The following HSD11B1L variants were observed in gnomAD, a reference collection of about 807,000 sequenced individuals.
The protein encoded by HSD11B1L is hydroxysteroid 11-beta dehydrogenase 1 like.
Under a neutral mutation model 27.0 loss-of-function variants are expected in HSD11B1L, and 22 were observed. That is an observed-to-expected ratio of 0.81 (90% confidence interval 0.58 to 1.16). HSD11B1L has a LOEUF of 1.16. Ranked by LOEUF, HSD11B1L falls within the 50% of genes most tolerant of loss-of-function variation. The pLI, the probability that HSD11B1L is intolerant of heterozygous loss-of-function variation, is 0.00. For missense variants in HSD11B1L, 372 were observed against 401.8 expected, an observed-to-expected ratio of 0.93 and a Z score of 0.63; for synonymous variants, 187 against 189.2, an observed-to-expected ratio of 0.99 and a Z score of 0.09.
intron 3 of HSD11B1L, 130 bp from the exon 4 acceptor site, chr19:5,686,286 T>G: frequency 1.6e-6 from 1 of 640,558 alleles, no homozygotes; most frequent in Non-Finnish European, 2.6e-6. Flanking sequence ...GGGAATGATG[T>G]TGAATGGGTC....
At chr19:5,684,633 CAGGTGCGGTGGTTCATGG>C in intron 1 of HSD11B1L, 168 bp from the exon 2 acceptor site, 1 of 758,944 alleles carries the variant, frequency 1.3e-6, no homozygotes, top group African/African-American at 1.8e-5. Context: ...GGGGAGGGTG[CAGGTGCGGTGGTTCATGG>C]AGCCGCGGTG....
At position 5,685,409 on chromosome 19, in the gene HSD11B1L, C is replaced by T. The variant is rs1163066073; in HGVS notation, c.204+290C>T. Reference sequence around the variant, plus strand: ...TGGCCAACATGGCGAAACCTGGTCTCTACTAAGAAGACAAAAATTAGGCCA... The same window carrying T: ...TGGCCAACATGGCGAAACCTGGTCTTTACTAAGAAGACAAAAATTAGGCCA... On this transcript the variant is annotated intron_variant, in intron 3 of 7. Transcript: ENST00000339423. This position sits in a 1 kb window ranked among gnomAD's most constrained non-coding sequence, Gnocchi z 4.3. The T allele has an allele frequency of 2.0e-6, 1 of 510,694 alleles. No individual in the cohort carries two copies. The allele number at this position is 510,694 out of a possible 1,614,324, so 31.6% of individuals were successfully genotyped here.
chr19:5,685,058 A>G lies in HSD11B1L; in HGVS notation c.143A>G (p.His48Arg), dbSNP rs200835892. ...GGTGTTGGTGAGGAGCTGGCCTATC[A>G]CTACGCGCGTCTGGGCTCCCACCTG... ...NAGVGEELAY[H>R]YARLGSHLVL... is the part of the protein sequence containing the mutation. The change falls in exon 3 of 8, where the codon CAC becomes CGC. Residue 48 changes from histidine to arginine, a missense_variant. Physicochemically the swap from His to Arg is conservative, Grantham distance 29. Coordinates refer to ENST00000339423, the MANE Select transcript of HSD11B1L (RefSeq NM_198706.3). This position sits in a 1 kb window ranked among gnomAD's most constrained non-coding sequence, Gnocchi z 4.3. 4 of 1,558,206 alleles carry G rather than the reference A, an allele frequency of 2.6e-6. No individual in the cohort carries two copies. The highest frequency in any genetic ancestry group is 3.5e-6 in the Non-Finnish European group (4 of 1,150,912).
Position 5,687,063 on chromosome 19 carries a change from C to G in HSD11B1L, c.408+72C>G, listed in dbSNP as rs963122358. ...CCGGTGGTCCGTTCCCTTCGCGGTC[C>G]GGGTTCTGCCTTCTCCAGGGAGGGC... On this transcript the variant is annotated intron_variant, in intron 5 of 7. Coordinates refer to ENST00000339423, the MANE Select transcript of HSD11B1L (RefSeq NM_198706.3). This position sits in a 1 kb window ranked among gnomAD's most constrained non-coding sequence, Gnocchi z 6.6. The G allele has an allele frequency of 2.1e-5, 28 of 1,357,380 alleles. No homozygotes were observed. The highest frequency in any genetic ancestry group is 2.7e-5 in the Non-Finnish European group (27 of 989,472). The allele number at this position is 1,357,380 out of a possible 1,614,324, so 84.1% of individuals were successfully genotyped here.
chr19:5,687,681 C>G lies in HSD11B1L; in HGVS notation c.668+13C>G, dbSNP rs1211094110. 4.5e-6 allele frequency: 7 copies of G among 1,565,816 alleles called. No individual in the cohort carries two copies. The South Asian group carries it at 7.0e-5, about 16-fold the overall frequency. On this transcript the variant is annotated intron_variant, in intron 7 of 7. Coordinates refer to ENST00000339423, the MANE Select transcript of HSD11B1L (RefSeq NM_198706.3). This position sits in a 1 kb window ranked among gnomAD's most constrained non-coding sequence, Gnocchi z 6.6. The stretch of plus-strand genomic sequence containing the variant: ...CCGAGGCAGTCAGGTGAGGCCCGGA[C>G]AAGCTGGGGGCTGGGCTGGGGGCCA...
Position 5,687,343 on chromosome 19 carries a change from A to G in HSD11B1L, c.470A>G (p.Lys157Arg), listed in dbSNP as rs745328325. ...SRALPSLTDS[K>R]GSLVVVSSLL... ...GCGCTGCCCAGCCTGACGGACAGCA[A>G]GGGCTCCCTGGTGGTGGTGTCCTCG... Residue 157 changes from lysine (K) to arginine (R), a missense_variant, in exon 6 of 8, where the codon AAG becomes AGG. By Grantham distance (26) the Lys-to-Arg change is conservative (BLOSUM62 2). Transcript: ENST00000339423. This position sits in a 1 kb window ranked among gnomAD's most constrained non-coding sequence, Gnocchi z 6.6. 6.2e-7 allele frequency: 1 copy of G among 1,612,772 alleles called. No individual in the cohort carries two copies. The highest frequency in any genetic ancestry group is 1.1e-5 in the South Asian group (1 of 91,064).
At chr19:5,686,288 G>A in intron 3 of HSD11B1L, 128 bp from the exon 4 acceptor site, 1 of 654,008 alleles carries the variant, frequency 1.5e-6, no homozygotes. Flanking sequence ...GAATGATGTT[G>A]AATGGGTCCC....
Position 5,688,322 on chromosome 19 carries a change from C to A in HSD11B1L, c.*377C>A. The A allele has an allele frequency of 1.2e-6, 1 of 835,282 alleles. No individual in the cohort carries two copies. The highest frequency in any genetic ancestry group is 1.8e-5 in the South Asian group (1 of 55,320). The allele number at this position is 835,282 out of a possible 1,614,324, so 51.7% of individuals were successfully genotyped here. The stretch of plus-strand genomic sequence containing the variant: ...CTTTAAGTCCCTGATTTATTCTTTC[C>A]ATTCATTCCATCTGGGAGGAACCCC... On this transcript the variant is annotated 3_prime_UTR_variant, in exon 8 of 8. Coordinates refer to ENST00000339423, the MANE Select transcript of HSD11B1L (RefSeq NM_198706.3).
Position 5,687,219 on chromosome 19 carries a change from T to C in HSD11B1L, c.409-63T>C. 1 of 1,543,918 alleles carries C rather than the reference T, an allele frequency of 6.5e-7. No individual in the cohort carries two copies. ...CCCGGCCCTGGCCCCGCCCTCTGGG[T>C]TTCTGGCCCCGCCCTGCCCCTGGGC... On this transcript the variant is annotated intron_variant, in intron 5 of 7. Transcript: ENST00000339423. This position sits in a 1 kb window ranked among gnomAD's most constrained non-coding sequence, Gnocchi z 6.6.
At position 5,685,302 on chromosome 19, in the gene HSD11B1L, G is replaced by A; in HGVS notation, c.204+183G>A. On this transcript the variant is annotated intron_variant, in intron 3 of 7. Coordinates refer to ENST00000339423, the MANE Select transcript of HSD11B1L (RefSeq NM_198706.3). The surrounding 1 kb of genome is among the most constrained non-coding windows in gnomAD (Gnocchi z 4.3). ...GACAATAAAACCACTTTCTGGCCAG[G>A]CACGGTGGCTCACGCTTGTAGTCAG... The A allele has an allele frequency of 1.2e-6, 1 of 827,208 alleles. No individual in the cohort carries two copies. The highest frequency in any genetic ancestry group is 2.0e-6 in the Non-Finnish European group (1 of 501,152). The allele number at this position is 827,208 out of a possible 1,614,324, so 51.2% of individuals were successfully genotyped here.
In HSD11B1L at chr19:5,688,027, AC is replaced by A. The variant is rs1345314232; in HGVS notation, c.*86del. 6.4e-7 allele frequency: 1 copy of A among 1,551,432 alleles called. No homozygotes were observed. The highest frequency in any genetic ancestry group is 1.4e-5 in the African/African-American group (1 of 73,162). ...CTGGAGCCAGAACACTCACAGAGAC[AC>A]CCCTGAGAGGGTGGCCACAGCCCAA... On this transcript the variant is annotated 3_prime_UTR_variant, in exon 8 of 8. Coordinates refer to ENST00000339423, the MANE Select transcript of HSD11B1L (RefSeq NM_198706.3).
chr19:5,686,744 G>T (rs1436883004), intron 4 of HSD11B1L, among the ~76,000 whole-genome samples, 156 bp from the exon 5 acceptor site: 5 of 152,240 alleles, frequency 3.3e-5, no homozygotes, highest in Admixed American at 2.6e-4. Flanking sequence ...CTAGATCCAG[G>T]GTGTAAGGCC....
chr19:5,684,788 CCG>C lies in HSD11B1L; in HGVS notation c.-14-30_-14-29del, dbSNP rs1336450573. On this transcript the variant is annotated intron_variant, in intron 1 of 7. Transcript: ENST00000339423. Reference sequence around the variant, plus strand: ...CGGGTGGCTGTGGGCCAGGCCTGTGCCGGCCACCTCTGTCCCCTGTCCCTCTG... The same window carrying C: ...CGGGTGGCTGTGGGCCAGGCCTGTGCGCCACCTCTGTCCCCTGTCCCTCTG... 3.1e-6 allele frequency: 5 copies of C among 1,612,916 alleles called. No homozygotes were observed. In the South Asian group the frequency reaches 5.5e-5, roughly 18 times the overall value.
rs759058739 is a variant in HSD11B1L at position 5,686,902 on chromosome 19, G to A, written c.319G>A (p.Gly107Arg). Residue 107 changes from glycine to arginine, a missense_variant and splice_region_variant, in exon 5 of 8, where the codon GGG becomes AGG. By Grantham distance (125) the Gly-to-Arg change is moderately radical (BLOSUM62 -2). Transcript: ENST00000339423. ...GCTGACCGGCGTTTCTGGGCCAGGC[G>A]GGCTGGACTACCTCGTGCTGAACCA... ...VVQFALDKLG[G>R]LDYLVLNHIG... 9.0e-5 allele frequency: 139 copies of A among 1,546,552 alleles called. No individual in the cohort carries two copies. The highest frequency in any genetic ancestry group is 1.2e-4 in the Non-Finnish European group (133 of 1,145,660).
intron 1 of HSD11B1L, among the ~76,000 whole-genome samples, chr19:5,682,200 AG>A (rs1257120402): frequency 6.6e-6 from 1 of 152,142 alleles, no homozygotes; most frequent in Non-Finnish European, 1.5e-5. Context: ...GGGACCCCTG[AG>A]AGGGTTTGGA....
chr19:5,681,419 C>G (rs777102394), intron 1 of HSD11B1L, 148 bp downstream of exon 1: 1 of 152,438 alleles, frequency 6.6e-6, no homozygotes, highest in Non-Finnish European at 1.5e-5. Flanking sequence ...CTGCTTCAAC[C>G]GTTCATCTGC....
rs1234933110 is a variant in HSD11B1L at position 5,685,927 on chromosome 19, C to A, written c.205-489C>A. 1.3e-5 allele frequency among the ~76,000 whole-genome samples: 2 copies of A among 152,024 alleles called. No individual in the cohort carries two copies. Among genetic ancestry groups the A allele is most frequent in the Non-Finnish European group, 2.9e-5 (2 of 67,990 alleles). ...TCAAACAAACAAACAAAAAAACCCA[C>A]CTTCTCATGGGTTAGGATGTTGTGC... is the stretch of plus-strand genomic sequence containing the variant. On this transcript the variant is annotated intron_variant, in intron 3 of 7. Transcript: ENST00000339423. This position sits in a 1 kb window ranked among gnomAD's most constrained non-coding sequence, Gnocchi z 4.3.
chr19:5,682,636 G>A (rs576796486), intron 1 of HSD11B1L, among the ~76,000 whole-genome samples: 7 of 152,062 alleles, frequency 4.6e-5, no homozygotes, highest in African/African-American at 1.4e-4. Context: ...ATTGGGTCCT[G>A]CTGGTTCTAA....
intron 1 of HSD11B1L, chr19:5,684,147 C>A: frequency 2.5e-6 from 1 of 408,098 alleles, no homozygotes. Flanking sequence ...CCCTGAGTAG[C>A]TGGGATTACA....
Sources: allele counts gnomAD v4.1 joint callset (sites outside exome capture counted in the v4.1 genomes callset), GRCh38; gene constraint gnomAD v4.1.1; non-coding constraint Gnocchi (gnomAD v3.1); transcripts MANE v1.5; gene names NCBI Gene and HGNC (gene_info 2026-07-23, HGNC 2026-07-21).